The following BMP6 variants were observed in gnomAD, a reference collection of about 807,000 sequenced individuals.
BMP6 encodes bone morphogenetic protein 6.
BMP6 carries 17 observed loss-of-function variants against 54.1 expected under a neutral mutation model. That is an observed-to-expected ratio of 0.31 (90% CI 0.22 to 0.47). The LOEUF (loss-of-function observed/expected upper bound fraction) is 0.47, where lower values mean the gene tolerates loss of function less well. Among genes scored for constraint, BMP6 ranks in the 20% least tolerant of loss-of-function variants. The probability of loss-of-function intolerance (pLI) is 1.00; values close to 1 mark genes in which losing one functional copy is unlikely to be tolerated. For synonymous variants in BMP6, 328 were observed against 291.2 expected (o/e 1.13, Z -1.28); for missense variants, 720 against 690.4 (o/e 1.04, Z -0.48).
intron 1 of BMP6, among the ~76,000 whole-genome samples, chr6:7,768,347 G>A (rs1561765763): frequency 6.6e-6 from 1 of 152,142 alleles, no homozygotes; most frequent in Non-Finnish European, 1.5e-5. Flanking sequence ...TCTTGTCCAC[G>A]CTGAGCCTCC....
chr6:7,861,398 G>A (rs1368530518), intron 2 of BMP6, 53 bp from the exon 3 acceptor site: 1 of 1,597,260 alleles, frequency 6.3e-7, no homozygotes, highest in East Asian at 2.2e-5. Flanking sequence ...GAAAGAGTGG[G>A]AAGGAGCTTC....
chr6:7,787,986 C>T (rs973617741), intron 1 of BMP6, among the ~76,000 whole-genome samples: 39 of 151,922 alleles, frequency 2.6e-4, no homozygotes, highest in African/African-American at 5.3e-4. Flanking sequence ...TTTGATGAAA[C>T]GATCAACCCA....
At chr6:7,778,761 G>A (rs764609988) in intron 1 of BMP6, among the ~76,000 whole-genome samples, 14 of 152,264 alleles carry the variant, frequency 9.2e-5, no homozygotes, top group South Asian at 2.1e-4. Context: ...AGTCAGTGGC[G>A]GAACTGGAAT....
intron 1 of BMP6, among the ~76,000 whole-genome samples, chr6:7,819,220 A>C (rs1177990378): frequency 6.6e-6 from 1 of 152,192 alleles, no homozygotes; most frequent in Non-Finnish European, 1.5e-5. Context: ...CTGTGACAGT[A>C]GGGTGACCAA....
intron 1 of BMP6, among the ~76,000 whole-genome samples, chr6:7,779,051 C>T (rs1039992587): frequency 6.6e-6 from 1 of 152,216 alleles, no homozygotes; most frequent in Non-Finnish European, 1.5e-5. Flanking sequence ...TTAGGTGTGC[C>T]ATACAACTGT....
In BMP6 at chr6:7,861,431, C is replaced by T. The variant is rs562067759; in HGVS notation, c.858-20C>T. On this transcript the variant is annotated intron_variant, in intron 2 of 6. Coordinates refer to ENST00000283147, the MANE Select transcript of BMP6 (RefSeq NM_001718.6). ...TTCAGGCAGTGCGCTATTTACCAGG[C>T]CATTTTTTCTTTCTTTCAGAGACTC... The T allele has an allele frequency of 2.5e-6, 4 of 1,612,870 alleles. No homozygotes were observed. The African/African-American group carries it at 4.0e-5, about 16-fold the overall frequency.
chr6:7,781,336 G>A (rs7761037), intron 1 of BMP6, among the ~76,000 whole-genome samples: 11,894 of 143,070 alleles, frequency 0.083, 1,578 homozygotes, highest in African/African-American at 0.27. Flanking sequence ...TCGTTCATAC[G>A]TACCATGCCA....
At chr6:7,759,902 C>T (rs868814270) in intron 1 of BMP6, among the ~76,000 whole-genome samples, 60 of 151,596 alleles carry the variant, frequency 4.0e-4, no homozygotes, top group African/African-American at 1.3e-3. Context: ...TGGGGTTTCA[C>T]CACATTGGCC....
At chr6:7,856,594 C>CTTTTTTTTTTTTTTTTTTTTT (rs1561792989) in intron 2 of BMP6, among the ~76,000 whole-genome samples, 4 of 77,254 alleles carry the variant, frequency 5.2e-5, no homozygotes, top group East Asian at 9.2e-4. Context: ...TTATCAAGAG[C>CTTTTTTTTTTTTTTTTTTTTT]ATTTTTTTTT....
intron 1 of BMP6, among the ~76,000 whole-genome samples, chr6:7,742,115 T>C (rs367787648): frequency 7.9e-5 from 12 of 152,220 alleles, no homozygotes; most frequent in African/African-American, 2.9e-4. Flanking sequence ...TTATAAGAAA[T>C]GCTTATTAAG....
chr6:7,817,726 A>T (rs542809695), intron 1 of BMP6, among the ~76,000 whole-genome samples: 17 of 151,740 alleles, frequency 1.1e-4, no homozygotes, highest in African/African-American at 2.7e-4. Flanking sequence ...AGTATAATTA[A>T]AAAAAAAAAC....
At chr6:7,777,694 G>A (rs1412946457) in intron 1 of BMP6, among the ~76,000 whole-genome samples, 14 of 140,190 alleles carry the variant, frequency 1.0e-4, no homozygotes, top group Admixed American at 7.2e-4. Flanking sequence ...AAAAAAAAAA[G>A]GGAGAAAAAG....
intron 1 of BMP6, among the ~76,000 whole-genome samples, chr6:7,754,491 C>T (rs1757479911): frequency 6.6e-6 from 1 of 152,140 alleles, no homozygotes; most frequent in African/African-American, 2.4e-5. Context: ...GATTTGTCTA[C>T]TTCTTTTTTC....
intron 1 of BMP6, among the ~76,000 whole-genome samples, chr6:7,796,627 G>T (rs79626068): frequency 1.3e-5 from 2 of 151,968 alleles, no homozygotes; most frequent in East Asian, 3.9e-4. Context: ...TACCTCTGAG[G>T]GTATCTTCAT....
At position 7,820,574 on chromosome 6, in the gene BMP6, T is replaced by C. The variant is rs1037935313; in HGVS notation, c.665-24566T>C. The stretch of plus-strand genomic sequence containing the variant: ...TGGGAGCCCTCAGCATCTTTCTGTC[T>C]GCCTGCCTGGAGGAAATTAGGTGGG... On this transcript the variant is annotated intron_variant, in intron 1 of 6. Transcript: ENST00000283147. Among the ~76,000 whole-genome samples, 3 of 152,212 alleles carry C rather than the reference T, an allele frequency of 2.0e-5. No homozygotes were observed. In the South Asian group the frequency reaches 6.2e-4, roughly 32 times the overall value.
At chr6:7,820,516 G>T (rs933497100) in intron 1 of BMP6, among the ~76,000 whole-genome samples, 1 of 152,180 alleles carries the variant, frequency 6.6e-6, no homozygotes, top group Non-Finnish European at 1.5e-5. Flanking sequence ...TTCTGCCTGG[G>T]GACCTTTCTA....
At chr6:7,819,013 C>A (rs986117019) in intron 1 of BMP6, among the ~76,000 whole-genome samples, 1 of 152,082 alleles carries the variant, frequency 6.6e-6, no homozygotes, top group African/African-American at 2.4e-5. Context: ...AAACATTGTT[C>A]ATAATGACAA....
chr6:7,830,308 A>G (rs1288094956), intron 1 of BMP6, among the ~76,000 whole-genome samples: 1 of 152,052 alleles, frequency 6.6e-6, no homozygotes, highest in Non-Finnish European at 1.5e-5. Context: ...ACTCCCCTGG[A>G]TTAAACCTTG....
intron 1 of BMP6, among the ~76,000 whole-genome samples, chr6:7,799,398 C>T (rs948460352): frequency 6.6e-6 from 1 of 152,114 alleles, no homozygotes; most frequent in African/African-American, 2.4e-5. Context: ...TGGATTAATT[C>T]AGGGAAGTCC....
Sources: allele counts gnomAD v4.1 joint callset (sites outside exome capture counted in the v4.1 genomes callset), GRCh38; gene constraint gnomAD v4.1.1; transcripts MANE v1.5; gene names NCBI Gene and HGNC (gene_info 2026-07-23, HGNC 2026-07-21).